The following CDK14 variants were observed in gnomAD, a reference collection of about 807,000 sequenced individuals.
CDK14 encodes cyclin dependent kinase 14.
A neutral mutation model predicts 60.7 loss-of-function variants in CDK14; 34 were observed. The observed-to-expected ratio is 0.56, with a 90% CI of 0.43 to 0.75. CDK14 has a LOEUF of 0.75. CDK14 is among the 30% of genes least tolerant of loss of function. The pLI is 0.00. For synonymous variants in CDK14, 197 were observed against 203.7 expected (o/e 0.97, Z 0.28); for missense variants, 482 against 564.1 (o/e 0.85, Z 1.47).
At chr7:90,751,952 A>C (rs546096578) in intron 4 of CDK14, among the ~76,000 whole-genome samples, 2 of 152,342 alleles carry the variant, frequency 1.3e-5, no homozygotes, top group South Asian at 2.1e-4. Context: ...CATAATGATA[A>C]AGTGTTCAAT....
At chr7:90,736,660 A>G (rs1187584128) in intron 3 of CDK14, among the ~76,000 whole-genome samples, 1 of 152,060 alleles carries the variant, frequency 6.6e-6, no homozygotes, top group Non-Finnish European at 1.5e-5. Context: ...TTCTTTTAAA[A>G]TATTAGTTAT....
intron 14 of CDK14, among the ~76,000 whole-genome samples, chr7:91,156,883 G>T (rs1036722434): frequency 1.1e-4 from 16 of 152,176 alleles, no homozygotes; most frequent in African/African-American, 2.2e-4. Flanking sequence ...TTAAGGAAAT[G>T]TTGGGGGTTT....
At chr7:90,738,104 G>A (rs1803195246) in intron 3 of CDK14, among the ~76,000 whole-genome samples, 1 of 148,336 alleles carries the variant, frequency 6.7e-6, no homozygotes, top group South Asian at 2.1e-4. Context: ...ATGTGGGTGA[G>A]GGTTAGGACT....
intron 14 of CDK14, among the ~76,000 whole-genome samples, chr7:91,173,716 G>A (rs959997640): frequency 1.3e-5 from 2 of 152,156 alleles, no homozygotes; most frequent in African/African-American, 4.8e-5. Context: ...GGAAAATCGG[G>A]TCACTCCCAC....
intron 5 of CDK14, among the ~76,000 whole-genome samples, chr7:90,815,280 G>A (rs896057620): frequency 6.6e-6 from 1 of 152,188 alleles, no homozygotes; most frequent in African/African-American, 2.4e-5. Context: ...AATTTAAGCA[G>A]TAATGAAAAT....
intron 8 of CDK14, among the ~76,000 whole-genome samples, chr7:90,936,083 T>G (rs1038347197): frequency 8.6e-5 from 13 of 152,010 alleles, no homozygotes; most frequent in Non-Finnish European, 1.6e-4. Context: ...AAAATAGACA[T>G]TGCTATCTTC....
intron 6 of CDK14, among the ~76,000 whole-genome samples, chr7:90,897,968 A>G (rs544506340): frequency 3.9e-5 from 6 of 152,150 alleles, no homozygotes; most frequent in African/African-American, 1.4e-4. Flanking sequence ...GCCCAAGATA[A>G]AGGCAATTTT....
intron 9 of CDK14, among the ~76,000 whole-genome samples, chr7:90,972,815 A>G (rs961566726): frequency 6.6e-5 from 10 of 152,208 alleles, no homozygotes; most frequent in Non-Finnish European, 1.0e-4. Flanking sequence ...AGAATTACCC[A>G]AATTCCTTTA....
intron 14 of CDK14, among the ~76,000 whole-genome samples, chr7:91,137,628 GCA>G (rs1370544073): frequency 6.6e-6 from 1 of 151,322 alleles, no homozygotes; most frequent in African/African-American, 2.4e-5. Context: ...ACACACACAC[GCA>G]CACACACACT....
intron 9 of CDK14, among the ~76,000 whole-genome samples, chr7:90,980,172 G>C (rs1012452157): frequency 6.6e-6 from 1 of 152,080 alleles, no homozygotes; most frequent in Non-Finnish European, 1.5e-5. Context: ...ATAGAAAAAT[G>C]TGTGAGCATA....
In CDK14 at chr7:91,075,900, A is replaced by G. The variant is rs1410684346; in HGVS notation, c.1106-3532A>G. Among the ~76,000 whole-genome samples, 59 of 152,112 alleles carry G rather than the reference A, an allele frequency of 3.9e-4. 1 individual carries two copies. ...TAAAGAGAATAAAATACCTAGGAAT[A>G]CAGCTAACAAGGGATGTGAAGGGCC... On this transcript the variant is annotated intron_variant, in intron 11 of 14. Transcript: ENST00000380050.
intron 14 of CDK14, among the ~76,000 whole-genome samples, chr7:91,126,057 A>G (rs980661785): frequency 2.0e-5 from 3 of 152,178 alleles, no homozygotes; most frequent in African/African-American, 7.2e-5. Context: ...ACATAATTAT[A>G]TTGTATCTTT....
intron 4 of CDK14, among the ~76,000 whole-genome samples, chr7:90,767,455 A>C (rs564710599): frequency 1.3e-5 from 2 of 152,268 alleles, no homozygotes; most frequent in South Asian, 4.1e-4. Context: ...CAGTGAAATC[A>C]TAGCTATTTT....
chr7:90,794,442 T>C (rs1023983362), intron 5 of CDK14, among the ~76,000 whole-genome samples: 2 of 152,152 alleles, frequency 1.3e-5, no homozygotes, highest in Non-Finnish European at 1.5e-5. Context: ...TGTCTACAAC[T>C]GTAAAAGACA....
chr7:90,895,357 T>TCCCCTCCCCTCCC (rs1562817531), intron 6 of CDK14, among the ~76,000 whole-genome samples: 2 of 34,834 alleles, frequency 5.7e-5, no homozygotes, highest in Non-Finnish European at 1.2e-4. Flanking sequence ...TCTCCTCTCC[T>TCCCCTCCCCTCCC]CACCTCTCCT....
intron 10 of CDK14, among the ~76,000 whole-genome samples, chr7:90,995,776 T>A (rs149233572): frequency 7.6e-5 from 4 of 52,524 alleles, no homozygotes; most frequent in Non-Finnish European, 1.1e-4. Flanking sequence ...TGATTCTTAA[T>A]CAGGAGTATG....
At chr7:90,605,303 C>G (rs1410882478) in intron 2 of CDK14, among the ~76,000 whole-genome samples, 1 of 152,176 alleles carries the variant, frequency 6.6e-6, no homozygotes, top group Non-Finnish European at 1.5e-5. Flanking sequence ...GCTGCTTCAT[C>G]TGCTGCACCT....
At chr7:90,960,151 A>G (rs1794558498) in intron 9 of CDK14, among the ~76,000 whole-genome samples, 1 of 152,028 alleles carries the variant, frequency 6.6e-6, no homozygotes, top group Non-Finnish European at 1.5e-5. Context: ...ATATTCCTCT[A>G]TAGAGGAATA....
intron 9 of CDK14, among the ~76,000 whole-genome samples, chr7:90,973,515 T>G (rs1794986034): frequency 6.6e-6 from 1 of 152,220 alleles, no homozygotes. Flanking sequence ...TTAGAGTCTT[T>G]CTGCATTATC....
Sources: gnomAD v4.1 joint callset for allele counts (sites outside exome capture counted in the v4.1 genomes callset) on GRCh38, gnomAD v4.1.1 for gene constraint, MANE v1.5 for transcripts, NCBI Gene and HGNC (gene_info 2026-07-23, HGNC 2026-07-21) for gene names.